The following C10orf67 variants were observed in gnomAD, a reference collection of about 807,000 sequenced individuals.
C10orf67 encodes chromosome 10 open reading frame 67.
A neutral mutation model predicts 35.6 loss-of-function variants in C10orf67; 60 were observed. The observed-to-expected ratio is 1.68, with a 90% CI of 1.37 to 2.09. The LOEUF (loss-of-function observed/expected upper bound fraction) is 2.09, where lower values mean the gene tolerates loss of function less well. Among genes scored for constraint, C10orf67 ranks in the 30% most tolerant of loss-of-function variants. The probability of loss-of-function intolerance (pLI) is 0.00; values close to 1 mark genes in which losing one functional copy is unlikely to be tolerated. For synonymous variants in C10orf67, 167 were observed against 115.8 expected, an observed-to-expected ratio of 1.44 and a Z score of -2.84; for missense variants, 474 against 330.2, an observed-to-expected ratio of 1.44 and a Z score of -3.38.
At chr10:23,214,089 C>T (rs1841375282) in intron 15 of C10orf67, among the ~76,000 whole-genome samples, 1 of 150,972 alleles carries the variant, frequency 6.6e-6, no homozygotes, top group Non-Finnish European at 1.5e-5. Flanking sequence ...CAAAGAATTA[C>T]CAGGGTTAAA....
rs1030633110 is a variant in C10orf67, at chr10:23,202,996, T to C, written c.*1177A>G. ...TGGTGAAACTCTGCTGGAAACCAAC[T>C]CACCAGCAATTGCCATTAATCTACT... On this transcript the variant is annotated 3_prime_UTR_variant, in exon 16 of 16. Coordinates refer to ENST00000636213, the MANE Select transcript of C10orf67 (RefSeq NM_001371909.1). The C allele has an allele frequency of 2.0e-5, 3 of 152,190 alleles. No individual in the cohort carries two copies. Among genetic ancestry groups the C allele is most frequent in the African/African-American group, 4.8e-5 (2 of 41,448 alleles). 9.4% of individuals were successfully genotyped at this position (152,190 alleles called of 1,614,324 possible).
chr10:23,341,416 C>T (rs938783694), intron 1 of C10orf67, among the ~76,000 whole-genome samples: 2 of 152,202 alleles, frequency 1.3e-5, no homozygotes, highest in African/African-American at 4.8e-5. Context: ...CTCCGGACCT[C>T]CAACCACTGC....
chr10:23,266,116 G>A (rs1842876296), intron 10 of C10orf67, 146 bp downstream of exon 10: 1 of 394,346 alleles, frequency 2.5e-6, no homozygotes, highest in African/African-American at 2.1e-5. Context: ...TGACATGTTG[G>A]TTTAGAAATA....
At position 23,268,759 on chromosome 10, in the gene C10orf67, T is replaced by C. The variant is rs192386705; in HGVS notation, c.976-1505A>G. The stretch of plus-strand genomic sequence containing the variant: ...ATACATTAGAGTGTACTTACAGAAA[T>C]ATAGGTTGCACAGCCCACTACACGC... On this transcript the variant is annotated intron_variant, in intron 8 of 15. Coordinates refer to ENST00000636213, the MANE Select transcript of C10orf67 (RefSeq NM_001371909.1). Among the ~76,000 whole-genome samples the C allele has an allele frequency of 3.9e-5, 6 of 152,324 alleles. No homozygotes were observed. In the East Asian group the frequency reaches 7.7e-4, roughly 20 times the overall value.
intron 10 of C10orf67, among the ~76,000 whole-genome samples, chr10:23,256,555 T>G (rs1409930542): frequency 6.6e-6 from 1 of 152,144 alleles, no homozygotes; most frequent in African/African-American, 2.4e-5. Context: ...CATGCCAGCT[T>G]CAACACAAGC....
rs1845002712 is a variant in C10orf67 at position 23,322,589 on chromosome 10, A to C, written c.328-52T>G. The C allele has an allele frequency of 5.6e-6, 7 of 1,239,062 alleles. No individual in the cohort carries two copies. In the Admixed American group the frequency reaches 1.5e-4, roughly 26 times the overall value. 76.8% of individuals were successfully genotyped at this position (1,239,062 alleles called of 1,614,324 possible). A position where few individuals can be genotyped will look rare whatever the true frequency, so the allele number is the denominator to read the frequency against. On this transcript the variant is annotated intron_variant, in intron 2 of 15. Coordinates refer to ENST00000636213, the MANE Select transcript of C10orf67 (RefSeq NM_001371909.1). Reference sequence around the variant, plus strand: ...CGAAGTAACACAGGAACAGAAAACCAAATACTGCATGTTGTCACTTGCTAA... The same window carrying C: ...CGAAGTAACACAGGAACAGAAAACCCAATACTGCATGTTGTCACTTGCTAA...
chr10:23,286,622 G>C (rs1181177217), intron 7 of C10orf67, among the ~76,000 whole-genome samples: 1 of 130,442 alleles, frequency 7.7e-6, no homozygotes, highest in Admixed American at 7.4e-5. Context: ...GGGAGGGAGG[G>C]AGGAAAGGAG....
intron 4 of C10orf67, among the ~76,000 whole-genome samples, chr10:23,309,921 AG>A (rs1844432283): frequency 6.6e-6 from 1 of 152,224 alleles, no homozygotes; most frequent in South Asian, 2.1e-4. Flanking sequence ...AATTGTTTGA[AG>A]AACCCAAAAT....
chr10:23,317,340 C>G (rs1254530145), intron 4 of C10orf67: 1 of 152,232 alleles, frequency 6.6e-6, no homozygotes, highest in African/African-American at 2.4e-5. Context: ...CCTGTGGGAG[C>G]AGGGGGGCTT....
At chr10:23,274,186 A>T (rs1419365847) in intron 8 of C10orf67, among the ~76,000 whole-genome samples, 3 of 152,198 alleles carry the variant, frequency 2.0e-5, no homozygotes, top group African/African-American at 7.2e-5. Context: ...GGGCAGAGCA[A>T]GATCACAAGG....
chr10:23,284,720 CAAAA>C (rs1284445762), intron 7 of C10orf67, among the ~76,000 whole-genome samples: 1 of 148,060 alleles, frequency 6.8e-6, no homozygotes, highest in Admixed American at 6.9e-5. Flanking sequence ...AACAAACAAA[CAAAA>C]AAACCTAAAA....
intron 13 of C10orf67, among the ~76,000 whole-genome samples, chr10:23,230,403 A>C (rs1017391973): frequency 1.3e-5 from 2 of 152,176 alleles, no homozygotes; most frequent in Non-Finnish European, 2.9e-5. Flanking sequence ...ATATTGGATG[A>C]ACTCTTTTTA....
At chr10:23,245,190 C>T (rs1842286214) in intron 12 of C10orf67, among the ~76,000 whole-genome samples, 2 of 152,156 alleles carry the variant, frequency 1.3e-5, no homozygotes, top group Non-Finnish European at 1.5e-5. Context: ...CTATATTACA[C>T]AGTACACAAA....
At chr10:23,209,004 G>A (rs768774447) in intron 15 of C10orf67, among the ~76,000 whole-genome samples, 11 of 151,982 alleles carry the variant, frequency 7.2e-5, no homozygotes, top group Non-Finnish European at 1.2e-4. Context: ...GAAGCTCAGC[G>A]AGACCAGGCA....
intron 1 of C10orf67, among the ~76,000 whole-genome samples, chr10:23,338,093 G>A (rs1295920584): frequency 1.3e-5 from 2 of 152,190 alleles, no homozygotes; most frequent in Non-Finnish European, 2.9e-5. Flanking sequence ...CTGTGGATGA[G>A]CCTTTGAAAA....
intron 13 of C10orf67, among the ~76,000 whole-genome samples, chr10:23,225,964 A>T (rs1841728878): frequency 6.6e-6 from 1 of 152,072 alleles, no homozygotes; most frequent in Non-Finnish European, 1.5e-5. Context: ...CTACAAAGAG[A>T]CTTAGACTCA....
chr10:23,322,251 G>A (rs1417986483), intron 3 of C10orf67, 143 bp downstream of exon 3: 2 of 749,824 alleles, frequency 2.7e-6, no homozygotes, highest in Non-Finnish European at 4.1e-6. Flanking sequence ...ACATAGTGAA[G>A]CTCTGTGTAT....
Position 23,296,276 on chromosome 10 carries a change from G to A in C10orf67, c.703-4997C>T, listed in dbSNP as rs144913429. Among the ~76,000 whole-genome samples, 445 of 152,232 alleles carry A rather than the reference G, an allele frequency of 2.9e-3. 4 individuals carry two copies. Among genetic ancestry groups the A allele is most frequent in the African/African-American group, 0.01 (422 of 41,516 alleles). On this transcript the variant is annotated intron_variant, in intron 5 of 15. Transcript: ENST00000636213. ...AAGGGACCCAAAGAGGGTAGCCATT[G>A]CCAGCTCGAATGCCTGGGTTTATAT...
chr10:23,302,006 C>T (rs910819327), intron 5 of C10orf67, among the ~76,000 whole-genome samples: 4 of 152,044 alleles, frequency 2.6e-5, no homozygotes, highest in African/African-American at 4.8e-5. Context: ...GGTGGGTCTG[C>T]GATGGCGGCA....
Sources: gnomAD v4.1 joint callset for allele counts (sites outside exome capture counted in the v4.1 genomes callset) on GRCh38, gnomAD v4.1.1 for gene constraint, MANE v1.5 for transcripts, NCBI Gene and HGNC (gene_info 2026-07-23, HGNC 2026-07-21) for gene names.